Variants in MTUS2 observed in about 807,000 individuals in gnomAD.
The protein encoded by MTUS2 is microtubule-associated tumor suppressor candidate 2.
In MTUS2, 40 loss-of-function variants were observed where a neutral mutation model predicts 114.1. The ratio of observed to expected loss-of-function variants is 0.35; its 90% CI spans 0.27 to 0.46. MTUS2 has a LOEUF of 0.46. Among genes scored for constraint, MTUS2 ranks in the 20% least tolerant of loss-of-function variants. The probability of loss-of-function intolerance (pLI) is 1.00; values close to 1 mark genes in which losing one functional copy is unlikely to be tolerated. For synonymous variants in MTUS2, 688 were observed against 672.0 expected (o/e 1.02, Z -0.37); for missense variants, 1,679 against 1,705.4 (o/e 0.98, Z 0.27).
intron 1 of MTUS2, among the ~76,000 whole-genome samples, chr13:28,831,121 AAG>A (rs1341085056): frequency 2.7e-5 from 4 of 150,388 alleles, no homozygotes; most frequent in Non-Finnish European, 5.9e-5. Flanking sequence ...GTAAATATAA[AAG>A]AGTACAAACC....
chr13:29,264,837 G>A (rs528915310), intron 5 of MTUS2, among the ~76,000 whole-genome samples: 1 of 152,312 alleles, frequency 6.6e-6, no homozygotes, highest in African/African-American at 2.4e-5. Flanking sequence ...TAGGCCTCTG[G>A]GCCTGTGATG....
intron 12 of MTUS2, among the ~76,000 whole-genome samples, chr13:29,492,937 C>T (rs1383512311): frequency 6.6e-6 from 1 of 152,194 alleles, no homozygotes; most frequent in Non-Finnish European, 1.5e-5. Context: ...CACATACTTG[C>T]ACCAAATGAA....
Position 29,307,387 on chromosome 13 carries a change from C to T in MTUS2, c.2807-17226C>T, listed in dbSNP as rs1042643895. On this transcript the variant is annotated intron_variant, in intron 6 of 15. Coordinates refer to ENST00000612955, the MANE Select transcript of MTUS2 (RefSeq NM_001033602.4). ...GTGGTGTGATAGCCATGGGGCTCTCCAGAACATCATCCCTGCCCCTAGTGA... is the reference window on the plus strand; with the variant it reads ...GTGGTGTGATAGCCATGGGGCTCTCTAGAACATCATCCCTGCCCCTAGTGA... 9 of 929,434 alleles carry T rather than the reference C, an allele frequency of 9.7e-6. No homozygotes were observed. The African/African-American group carries it at 1.5e-4, about 15-fold the overall frequency. 57.6% of individuals were successfully genotyped at this position (929,434 alleles called of 1,614,324 possible).
At chr13:29,312,247 C>T (rs780278770) in intron 6 of MTUS2, among the ~76,000 whole-genome samples, 3 of 152,200 alleles carry the variant, frequency 2.0e-5, no homozygotes, top group Non-Finnish European at 2.9e-5. Flanking sequence ...ACATGTCCCA[C>T]TAATTGGTGA....
At chr13:28,897,991 G>A (rs961710079) in intron 2 of MTUS2, among the ~76,000 whole-genome samples, 2 of 151,938 alleles carry the variant, frequency 1.3e-5, no homozygotes, top group Admixed American at 1.3e-4. Context: ...CACGGCACAT[G>A]TATACATATG....
intron 5 of MTUS2, among the ~76,000 whole-genome samples, chr13:29,213,950 T>A (rs1895564365): frequency 6.6e-6 from 1 of 152,192 alleles, no homozygotes; most frequent in Non-Finnish European, 1.5e-5. Context: ...TTTTTTTTGT[T>A]CATGTATTAG....
chr13:28,998,381 T>C (rs1385019247), intron 2 of MTUS2, among the ~76,000 whole-genome samples: 2 of 152,322 alleles, frequency 1.3e-5, no homozygotes, highest in East Asian at 3.9e-4. Flanking sequence ...GGAGTTGCTC[T>C]TCTTGAGGAG....
In MTUS2 at chr13:29,490,913, GAATC is replaced by G. The variant is rs1378954780; in HGVS notation, c.3506-1729_3506-1726del. Among the ~76,000 whole-genome samples, 3 of 152,178 alleles carry G rather than the reference GAATC, an allele frequency of 2.0e-5. No homozygotes were observed. The East Asian group carries it at 5.8e-4, about 29-fold the overall frequency. On this transcript the variant is annotated intron_variant, in intron 11 of 15. Coordinates refer to ENST00000612955, the MANE Select transcript of MTUS2 (RefSeq NM_001033602.4). ...TATTTTGCCATGAGAACAGTTTAGA[GAATC>G]AATGAATAACGTGAACAAAGGATAT...
At chr13:28,970,689 G>C (rs1048217109) in intron 2 of MTUS2, among the ~76,000 whole-genome samples, 1 of 152,208 alleles carries the variant, frequency 6.6e-6, no homozygotes, top group African/African-American at 2.4e-5. Context: ...TGAGAAGAAA[G>C]ATTTGAAAAC....
intron 5 of MTUS2, among the ~76,000 whole-genome samples, chr13:29,162,173 T>G (rs1303845715): frequency 6.6e-6 from 1 of 152,294 alleles, no homozygotes; most frequent in South Asian, 2.1e-4. Context: ...TCATATTGGC[T>G]TTAGGGCCCA....
chr13:28,970,215 A>G (rs554604712), intron 2 of MTUS2, among the ~76,000 whole-genome samples: 29 of 120,228 alleles, frequency 2.4e-4, no homozygotes, highest in Middle Eastern at 3.6e-3. Context: ...ACCATTGTCT[A>G]TTTGTCAATG....
chr13:28,869,461 C>T (rs1052938604), intron 2 of MTUS2, among the ~76,000 whole-genome samples: 1 of 152,112 alleles, frequency 6.6e-6, no homozygotes, highest in Non-Finnish European at 1.5e-5. Context: ...CAGGAATATT[C>T]GTAAAGCTTT....
intron 7 of MTUS2, among the ~76,000 whole-genome samples, chr13:29,337,568 G>T (rs762645126): frequency 6.6e-6 from 1 of 151,708 alleles, no homozygotes; most frequent in African/African-American, 2.4e-5. Flanking sequence ...GCTGGGTGCT[G>T]CAGACCAGAG....
chr13:29,307,163 T>C (rs2139628107), intron 6 of MTUS2: 1 of 493,598 alleles, frequency 2.0e-6, no homozygotes, highest in South Asian at 1.7e-5. Flanking sequence ...GCCAACACCC[T>C]GATGTTCGTG....
intron 5 of MTUS2, among the ~76,000 whole-genome samples, chr13:29,277,340 G>T (rs1348717622): frequency 6.6e-6 from 1 of 152,202 alleles, no homozygotes; most frequent in Admixed American, 6.5e-5. Flanking sequence ...GTCGGAAAAA[G>T]AAGACTTAAT....
At chr13:28,872,308 G>A (rs977050964) in intron 2 of MTUS2, among the ~76,000 whole-genome samples, 110 of 152,160 alleles carry the variant, frequency 7.2e-4, no homozygotes, top group African/African-American at 2.6e-3. Flanking sequence ...CTAGGTTTTT[G>A]TCCTGAGCAT....
At chr13:28,856,108 G>C (rs1876610414) in intron 2 of MTUS2, among the ~76,000 whole-genome samples, 1 of 152,184 alleles carries the variant, frequency 6.6e-6, no homozygotes, top group Non-Finnish European at 1.5e-5. Flanking sequence ...AGAAACAGAA[G>C]AAGGGTAGTT....
intron 5 of MTUS2, among the ~76,000 whole-genome samples, chr13:29,123,713 A>AACAC (rs148983552): frequency 4.0e-5 from 6 of 151,280 alleles, no homozygotes; most frequent in African/African-American, 1.2e-4. Context: ...TCTCAAAACA[A>AACAC]ACACACACAC....
At chr13:29,491,352 G>A (rs9508475) in intron 11 of MTUS2, among the ~76,000 whole-genome samples, 97,980 of 149,488 alleles carry the variant, frequency 0.66, 32,586 homozygotes, top group Non-Finnish European at 0.72. Flanking sequence ...TGTGTTATGC[G>A]TGTGTGGTAG....
Sources: gnomAD v4.1 joint callset for allele counts (sites outside exome capture counted in the v4.1 genomes callset) on GRCh38, gnomAD v4.1.1 for gene constraint, MANE v1.5 for transcripts, NCBI Gene and HGNC (gene_info 2026-07-23, HGNC 2026-07-21) for gene names.